UBE2E1: variants seen among roughly 807,000 people sequenced by gnomAD.
UBE2E1 encodes the protein ubiquitin conjugating enzyme E2 E1.
A neutral mutation model predicts 21.4 loss-of-function variants in UBE2E1; 6 were observed. That is an observed-to-expected ratio of 0.28 (90% CI 0.15 to 0.55). UBE2E1 has a LOEUF of 0.55. Among genes scored for constraint, UBE2E1 ranks in the 20% least tolerant of loss-of-function variants. The pLI is 0.93. For missense variants in UBE2E1, 142 were observed against 236.5 expected, an observed-to-expected ratio of 0.60 and a Z score of 2.62; for synonymous variants, 87 against 82.7, an observed-to-expected ratio of 1.05 and a Z score of -0.28.
Position 23,842,350 on chromosome 3 carries a change from A to G in UBE2E1, c.203+30840A>G, listed in dbSNP as rs1440536980. On this transcript the variant is annotated intron_variant, in intron 3 of 5. Coordinates refer to ENST00000306627, the MANE Select transcript of UBE2E1 (RefSeq NM_003341.5). This position sits in a 1 kb window ranked among gnomAD's most constrained non-coding sequence, Gnocchi z 4.6. The stretch of plus-strand genomic sequence containing the variant: ...CAGCCTCAACCTCATGGGCTCAGGC[A>G]GTCCTCCCACCTCGCCTCCTGAGTA... Among the ~76,000 whole-genome samples, 3 of 151,990 alleles carry G rather than the reference A, an allele frequency of 2.0e-5. No homozygotes were observed. The highest frequency in any genetic ancestry group is 4.4e-5 in the Non-Finnish European group (3 of 68,010).
At chr3:23,840,382 T>C (rs960750672) in intron 3 of UBE2E1, among the ~76,000 whole-genome samples, 3 of 152,232 alleles carry the variant, frequency 2.0e-5, no homozygotes, top group Non-Finnish European at 4.4e-5. Context: ...TTTTGAGTGC[T>C]GCCTTTTTGT....
At chr3:23,890,367 T>C (rs1701366825) in intron 5 of UBE2E1, 142 bp from the exon 6 acceptor site, 1 of 655,474 alleles carries the variant, frequency 1.5e-6, no homozygotes, top group Non-Finnish European at 2.5e-6. Flanking sequence ...TGGAAAAATA[T>C]CCAGCATGGT....
intron 3 of UBE2E1, 62 bp downstream of exon 3, chr3:23,811,572 T>G: frequency 6.7e-7 from 1 of 1,498,076 alleles, no homozygotes; most frequent in Non-Finnish European, 9.2e-7. Context: ...CTTGGGTTTT[T>G]CTTTTTATTA....
chr3:23,810,582 C>T lies in UBE2E1; in HGVS notation c.153-878C>T. On this transcript the variant is annotated intron_variant, in intron 2 of 5. Transcript: ENST00000306627. The surrounding 1 kb of genome is among the most constrained non-coding windows in gnomAD (Gnocchi z 5.8). ...CCAGCGTGCGGGGCGGAGGCAGGGTCCGGTGCACCTGTGCGGCCGCGGGCC... is the reference window on the plus strand; with the variant it reads ...CCAGCGTGCGGGGCGGAGGCAGGGTTCGGTGCACCTGTGCGGCCGCGGGCC... 6.7e-7 allele frequency: 1 copy of T among 1,492,568 alleles called. No individual in the cohort carries two copies. Among genetic ancestry groups the T allele is most frequent in the Non-Finnish European group, 8.9e-7 (1 of 1,117,768 alleles). 92.5% of individuals were successfully genotyped at this position (1,492,568 alleles called of 1,614,324 possible).
chr3:23,838,757 A>T (rs1247119823), intron 3 of UBE2E1, among the ~76,000 whole-genome samples: 1 of 152,190 alleles, frequency 6.6e-6, no homozygotes. Flanking sequence ...TCGGCCTCCC[A>T]GAGTGCCGGG....
chr3:23,868,413 A>G (rs1004466820), intron 3 of UBE2E1, among the ~76,000 whole-genome samples: 2 of 152,108 alleles, frequency 1.3e-5, no homozygotes, highest in Admixed American at 6.5e-5. Flanking sequence ...GGTTCAAGCT[A>G]TTCTCCTGCC....
Position 23,814,681 on chromosome 3 carries a change from T to C in UBE2E1, c.203+3171T>C, listed in dbSNP as rs115466694. 2.2e-3 allele frequency among the ~76,000 whole-genome samples: 334 copies of C among 152,310 alleles called. 1 individual carries two copies. The highest frequency in any genetic ancestry group is 7.9e-3 in the African/African-American group (327 of 41,568). ...TATGCCTTTTAGATAGCTGATGAAC[T>C]CTGGGCCACCAGAGTCAGTTTTGCA... On this transcript the variant is annotated intron_variant, in intron 3 of 5. Coordinates refer to ENST00000306627, the MANE Select transcript of UBE2E1 (RefSeq NM_003341.5).
chr3:23,877,119 A>G (rs1700932888), intron 3 of UBE2E1, among the ~76,000 whole-genome samples: 1 of 152,198 alleles, frequency 6.6e-6, no homozygotes, highest in Admixed American at 6.5e-5. Context: ...TAACATGCAC[A>G]TTGATAGGGT....
chr3:23,871,273 A>ACCTC (rs1449522715), intron 3 of UBE2E1, among the ~76,000 whole-genome samples: 2 of 35,788 alleles, frequency 5.6e-5, no homozygotes, highest in East Asian at 3.8e-4. Flanking sequence ...GGCGCCCCTC[A>ACCTC]CCTCCCGGAC....
rs1226587252 is a variant in UBE2E1, at chr3:23,842,235, GT to G, written c.203+30726del. Among the ~76,000 whole-genome samples the G allele has an allele frequency of 5.8e-3, 461 of 78,836 alleles. 1 individual carries two copies. Among genetic ancestry groups the G allele is most frequent in the Non-Finnish European group, 8.1e-3 (284 of 35,270 alleles). The allele number at this position is 78,836 out of a possible 152,430, so 51.7% of individuals were successfully genotyped here. A position where few individuals can be genotyped will look rare whatever the true frequency, so the allele number is the denominator to read the frequency against. ...TGTGTGTGTGTGTGTGTGTGTGTGT[GT>G]GTGTGTGTGTGTGGTGTTGTTGTTG... On this transcript the variant is annotated intron_variant, in intron 3 of 5. Coordinates refer to ENST00000306627, the MANE Select transcript of UBE2E1 (RefSeq NM_003341.5). The surrounding 1 kb of genome is among the most constrained non-coding windows in gnomAD (Gnocchi z 4.6).
At chr3:23,827,833 C>G (rs1699790430) in intron 3 of UBE2E1, among the ~76,000 whole-genome samples, 1 of 152,154 alleles carries the variant, frequency 6.6e-6, no homozygotes, top group Non-Finnish European at 1.5e-5. Flanking sequence ...CCTAACTGCC[C>G]TTAGAATTAA....
At chr3:23,857,530 C>T (rs1700469094) in intron 3 of UBE2E1, among the ~76,000 whole-genome samples, 1 of 152,158 alleles carries the variant, frequency 6.6e-6, no homozygotes, top group South Asian at 2.1e-4. Context: ...TTTTGGGTTG[C>T]CTGTCAGACT....
intron 3 of UBE2E1, among the ~76,000 whole-genome samples, chr3:23,862,397 A>G (rs745435523): frequency 2.0e-5 from 3 of 152,240 alleles, no homozygotes; most frequent in Non-Finnish European, 4.4e-5. Flanking sequence ...CTTAGATACC[A>G]TTACACTGTG....
intron 3 of UBE2E1, among the ~76,000 whole-genome samples, chr3:23,835,499 A>AGG (rs1244902455): frequency 2.0e-5 from 3 of 152,146 alleles, no homozygotes; most frequent in African/African-American, 7.2e-5. Context: ...CAGTCACACC[A>AGG]GGGCCCCATC....
At chr3:23,822,855 C>T (rs189159521) in intron 3 of UBE2E1, among the ~76,000 whole-genome samples, 10 of 147,446 alleles carry the variant, frequency 6.8e-5, no homozygotes, top group Non-Finnish European at 6.0e-5. Flanking sequence ...CCCCCGCCAC[C>T]GCCCTTCCAG....
At chr3:23,819,978 A>G (rs970900106) in intron 3 of UBE2E1, among the ~76,000 whole-genome samples, 2 of 152,242 alleles carry the variant, frequency 1.3e-5, no homozygotes, top group Non-Finnish European at 2.9e-5. Context: ...AGAGTTACAA[A>G]TGGTAACCTT....
intron 3 of UBE2E1, among the ~76,000 whole-genome samples, chr3:23,817,027 T>C (rs1266395783): frequency 6.6e-6 from 1 of 152,246 alleles, no homozygotes; most frequent in Admixed American, 6.5e-5. Flanking sequence ...TAAACAGTTA[T>C]ACCACTGTTA....
chr3:23,830,614 G>A (rs6791819), intron 3 of UBE2E1, among the ~76,000 whole-genome samples: 71,168 of 151,878 alleles, frequency 0.47, 16,782 homozygotes, highest in African/African-American at 0.5. Context: ...GCTTGGAGCT[G>A]TGGAGAATCC....
intron 3 of UBE2E1, among the ~76,000 whole-genome samples, chr3:23,854,078 C>T (rs1163130032): frequency 6.6e-6 from 1 of 151,816 alleles, no homozygotes; most frequent in Non-Finnish European, 1.5e-5. Context: ...GCCAACATGG[C>T]GAAACCCCAC....
Sources: allele counts gnomAD v4.1 joint callset (sites outside exome capture counted in the v4.1 genomes callset), GRCh38; gene constraint gnomAD v4.1.1; non-coding constraint Gnocchi (gnomAD v3.1); transcripts MANE v1.5; gene names NCBI Gene and HGNC (gene_info 2026-07-23, HGNC 2026-07-21).